ZNF438: variants seen among roughly 807,000 people sequenced by gnomAD.
ZNF438 encodes the protein zinc finger protein 438.
ZNF438 carries 25 observed loss-of-function variants against 38.0 expected under a neutral mutation model. The observed-to-expected ratio is 0.66, with a 90% CI of 0.48 to 0.92. The LOEUF is 0.92. ZNF438 is among the 40% of genes least tolerant of loss of function. ZNF438 has a pLI of 0.00. For synonymous variants in ZNF438, 372 were observed against 364.1 expected (o/e 1.02, Z -0.25); for missense variants, 1,007 against 999.6 (o/e 1.01, Z -0.10).
chr10:30,965,457 A>G (rs2050003039), intron 1 of ZNF438, among the ~76,000 whole-genome samples: 1 of 152,188 alleles, frequency 6.6e-6, no homozygotes, highest in Admixed American at 6.5e-5. Flanking sequence ...CGTTCTACAA[A>G]CAAGACACAT....
In ZNF438 at chr10:30,849,245, C is replaced by T. The variant is rs192694665; in HGVS notation, c.1160G>A (p.Arg387Gln). Residue 387 changes from arginine (R) to glutamine (Q), a missense_variant, in exon 5 of 6, where the codon CGG becomes CAG. Arg to Gln is a conservative substitution (Grantham distance 43). Coordinates refer to ENST00000413025, the Ensembl canonical transcript of ZNF438. ...TGCCAAAATTTCATCTGGTACCTTC[C>T]GTTTTCTTCCTTTTCTCTTTGCTGC... 1.2e-5 allele frequency: 20 copies of T among 1,614,086 alleles called. No homozygotes were observed. The East Asian group carries it at 1.3e-4, about 11-fold the overall frequency.
chr10:30,938,335 T>C (rs2046469878), intron 2 of ZNF438, among the ~76,000 whole-genome samples: 1 of 151,936 alleles, frequency 6.6e-6, no homozygotes, highest in Non-Finnish European at 1.5e-5. Flanking sequence ...TGGAGTGCAA[T>C]GGCACAATCA....
At chr10:30,861,918 G>T (rs940496815) in intron 4 of ZNF438, among the ~76,000 whole-genome samples, 2 of 152,180 alleles carry the variant, frequency 1.3e-5, no homozygotes, top group Admixed American at 6.5e-5. Context: ...TTAACTAAGA[G>T]CTAATGACCT....
chr10:30,986,135 T>C (rs995954406), intron 1 of ZNF438, among the ~76,000 whole-genome samples: 1 of 152,202 alleles, frequency 6.6e-6, no homozygotes, highest in Non-Finnish European at 1.5e-5. Flanking sequence ...CAGTACACTC[T>C]ATGATACTTT....
chr10:30,937,029 A>G (rs2135426775), intron 2 of ZNF438, among the ~76,000 whole-genome samples: 1 of 152,318 alleles, frequency 6.6e-6, no homozygotes. Flanking sequence ...CTCTTGGACC[A>G]GAAGCAAAAG....
chr10:31,024,864 A>G (rs1425923715), intron 1 of ZNF438, among the ~76,000 whole-genome samples: 1 of 152,252 alleles, frequency 6.6e-6, no homozygotes, highest in Non-Finnish European at 1.5e-5. Context: ...TTTAACATAT[A>G]CAACAATAAA....
intron 4 of ZNF438, among the ~76,000 whole-genome samples, chr10:30,870,844 T>C (rs763111788): frequency 8.5e-5 from 13 of 152,150 alleles, no homozygotes; most frequent in African/African-American, 1.2e-4. Flanking sequence ...CCATACCTAC[T>C]GCATTTGACT....
chr10:30,928,136 C>T (rs905205254), intron 2 of ZNF438, among the ~76,000 whole-genome samples: 1 of 152,124 alleles, frequency 6.6e-6, no homozygotes, highest in African/African-American at 2.4e-5. Flanking sequence ...CGACGGAACT[C>T]CACCCACTTC....
intron 3 of ZNF438, among the ~76,000 whole-genome samples, chr10:30,898,615 A>C (rs1397885984): frequency 2.0e-5 from 3 of 152,272 alleles, no homozygotes; most frequent in African/African-American, 7.2e-5. Context: ...AAAAATAATA[A>C]CCGTTCTAAA....
rs1196851661 is a variant in ZNF438 at position 30,845,218 on chromosome 10, C to A, written c.2230G>T (p.Glu744Ter). 2 of 1,614,054 alleles carry A rather than the reference C, an allele frequency of 1.2e-6. No individual in the cohort carries two copies. Among genetic ancestry groups the A allele is most frequent in the Non-Finnish European group, 1.7e-6 (2 of 1,180,048 alleles). ...TTGTTGGTTCCTGACTGGGGTCCTT[C>A]ATTTTCCATGAGCATTTCCACGCCA... The change falls in exon 6 of 6, where the codon GAA becomes TAA. Residue 744 changes from glutamate to a stop codon, truncating the protein, a stop_gained. Transcript: ENST00000413025. LOFTEE classifies it low-confidence loss of function (END_TRUNC).
chr10:30,896,937 T>C (rs1349995171), intron 3 of ZNF438, among the ~76,000 whole-genome samples: 4 of 152,178 alleles, frequency 2.6e-5, no homozygotes, highest in Non-Finnish European at 5.9e-5. Context: ...TGGCAATCAC[T>C]CAGGGTGTTT....
chr10:30,967,300 G>A (rs2050228508), intron 1 of ZNF438, among the ~76,000 whole-genome samples: 1 of 152,126 alleles, frequency 6.6e-6, no homozygotes, highest in African/African-American at 2.4e-5. Context: ...AAGGAAATAA[G>A]TATCTCCCCA....
intron 3 of ZNF438, among the ~76,000 whole-genome samples, chr10:30,895,430 T>C (rs570900975): frequency 2.0e-5 from 3 of 152,264 alleles, no homozygotes; most frequent in Admixed American, 6.5e-5. Flanking sequence ...GTTTGGGTGT[T>C]TGGAGATGAA....
rs2044989786 is a variant in ZNF438 at position 30,926,791 on chromosome 10, C to T, written c.-115+14784G>A. Among the ~76,000 whole-genome samples the T allele has an allele frequency of 3.3e-5, 5 of 152,066 alleles. No homozygotes were observed. The South Asian group carries it at 1.0e-3, about 32-fold the overall frequency. On this transcript the variant is annotated intron_variant, in intron 2 of 5. Transcript: ENST00000413025. ...ATAGAAAATTCAGAAATTTGGGGAG[C>T]TCCTAGGATTATAAGAGCTGACTGC...
chr10:31,002,837 G>C (rs1289424182), intron 1 of ZNF438, among the ~76,000 whole-genome samples: 1 of 152,176 alleles, frequency 6.6e-6, no homozygotes, highest in Admixed American at 6.5e-5. Context: ...TTACAAAGTA[G>C]TATATTAAGG....
intron 1 of ZNF438, among the ~76,000 whole-genome samples, chr10:30,979,342 GT>G (rs1252262122): frequency 6.6e-6 from 1 of 152,186 alleles, no homozygotes; most frequent in East Asian, 1.9e-4. Context: ...ACTGCCCAAA[GT>G]AATTTATAGA....
intron 3 of ZNF438, among the ~76,000 whole-genome samples, chr10:30,886,467 C>T (rs1257544533): frequency 6.6e-6 from 1 of 152,078 alleles, no homozygotes; most frequent in Non-Finnish European, 1.5e-5. Context: ...ACTGATAAAC[C>T]CATCCTAAGT....
chr10:30,929,722 T>C (rs946410860), intron 2 of ZNF438, among the ~76,000 whole-genome samples: 12 of 152,192 alleles, frequency 7.9e-5, no homozygotes, highest in Admixed American at 5.9e-4. Context: ...AGGGTGCTGA[T>C]TGGTGTGTTT....
At chr10:30,987,259 G>A (rs73252699) in intron 1 of ZNF438, among the ~76,000 whole-genome samples, 10,237 of 147,634 alleles carry the variant, frequency 0.069, 1,133 homozygotes, top group African/African-American at 0.24. Flanking sequence ...GGTCAAGGCT[G>A]AAGTAAGCTG....
Sources: gnomAD v4.1 joint callset for allele counts (sites outside exome capture counted in the v4.1 genomes callset) on GRCh38, gnomAD v4.1.1 for gene constraint, MANE v1.5 for transcripts, NCBI Gene and HGNC (gene_info 2026-07-23, HGNC 2026-07-21) for gene names.